FAM149A: variants seen among roughly 807,000 people sequenced by gnomAD.
The protein encoded by FAM149A is protein FAM149A.
FAM149A carries 71 observed loss-of-function variants against 78.2 expected under a neutral mutation model. That is an observed-to-expected ratio of 0.91 (90% CI 0.75 to 1.11). The LOEUF is 1.11. FAM149A is among the 50% of genes least tolerant of loss of function. The pLI is 0.00. For missense variants in FAM149A, 1,036 were observed against 971.0 expected (o/e 1.07, Z -0.89); for synonymous variants, 446 against 410.5 (o/e 1.09, Z -1.04).
At chr4:186,117,529 G>A (rs1325059861) in intron 1 of FAM149A, 3 of 985,388 alleles carry the variant, frequency 3.0e-6, no homozygotes, top group Non-Finnish European at 3.6e-6. Flanking sequence ...TCCAAAAGTG[G>A]GGCACATGGA....
chr4:186,160,347 C>G (rs1561413706), intron 8 of FAM149A, among the ~76,000 whole-genome samples: 3 of 143,452 alleles, frequency 2.1e-5, no homozygotes, highest in Admixed American at 2.1e-4. Flanking sequence ...CACAAACACA[C>G]CACACACACA....
intron 1 of FAM149A, among the ~76,000 whole-genome samples, chr4:186,136,976 T>TCTCTCTCTCTCTTTCTCTCTC (rs2099323291): frequency 1.2e-4 from 9 of 72,104 alleles, no homozygotes; most frequent in South Asian, 5.8e-4. Flanking sequence ...CTCTCTCTCT[T>TCTCTCTCTCTCTTTCTCTCTC]TCTCTCTCTC....
rs1733544585 is a variant in FAM149A at position 186,151,136 on chromosome 4, A to G, written c.790-767A>G. The G allele has an allele frequency of 5.0e-6, 4 of 794,648 alleles. No homozygotes were observed. The South Asian group carries it at 2.3e-4, about 45-fold the overall frequency. 49.2% of individuals were successfully genotyped at this position (794,648 alleles called of 1,614,324 possible). On this transcript the variant is annotated intron_variant, in intron 3 of 13. Coordinates refer to ENST00000389354, the MANE Select transcript of FAM149A (RefSeq NM_001367768.3). The stretch of plus-strand genomic sequence containing the variant: ...CACCGAGGGGGTCTGAAAGGGACTC[A>G]GCTCAGCACTGCTAGGAGGACCTTT...
chr4:186,109,954 A>C (rs2099310513), intron 1 of FAM149A: 1 of 985,316 alleles, frequency 1.0e-6, no homozygotes, highest in Admixed American at 6.1e-5. Flanking sequence ...AAGGAAATGC[A>C]TTTACCACTC....
rs1295085959 is a variant in FAM149A at position 186,157,928 on chromosome 4, G to A, written c.1575+209G>A. 2.0e-6 allele frequency: 3 copies of A among 1,530,576 alleles called. No homozygotes were observed. In the African/African-American group the frequency reaches 4.1e-5, roughly 21 times the overall value. 94.8% of individuals were successfully genotyped at this position (1,530,576 alleles called of 1,614,324 possible). A position where few individuals can be genotyped will look rare whatever the true frequency, so the allele number is the denominator to read the frequency against. ...GAGACCTGGACGTCCTGCCTATGAA[G>A]GACGAGGATGTGCTCAAGTTCCTTG... is the stretch of plus-strand genomic sequence containing the variant. On this transcript the variant is annotated intron_variant, in intron 8 of 13. Transcript: ENST00000389354.
At position 186,154,640 on chromosome 4, in the gene FAM149A, T is replaced by C; in HGVS notation, c.1229+2T>C. The C allele has an allele frequency of 1.2e-6, 2 of 1,611,040 alleles. No homozygotes were observed. The highest frequency in any genetic ancestry group is 2.2e-5 in the South Asian group (2 of 90,668). ...TTTCGCTTTTGACAGAAAAGAGGAG[T>C]AAATAGAATCTTATTTGACATTGAC... On this transcript the variant is annotated splice_donor_variant, in intron 6 of 13. Coordinates refer to ENST00000389354, the MANE Select transcript of FAM149A (RefSeq NM_001367768.3). LOFTEE classifies it high-confidence loss of function.
At chr4:186,133,036 T>C (rs1251369204) in intron 1 of FAM149A, 36 of 985,256 alleles carry the variant, frequency 3.7e-5, no homozygotes, top group Non-Finnish European at 3.7e-5. Context: ...TCAGCACTGC[T>C]TAGGAATGTG....
intron 1 of FAM149A, chr4:186,132,918 A>T: frequency 1.0e-6 from 1 of 961,854 alleles, no homozygotes; most frequent in Non-Finnish European, 1.2e-6. Context: ...ATTCATGTTC[A>T]TGTTAAGCCC....
At chr4:186,119,883 C>G (rs1726350582) in intron 1 of FAM149A, among the ~76,000 whole-genome samples, 1 of 152,146 alleles carries the variant, frequency 6.6e-6, no homozygotes, top group Admixed American at 6.5e-5. Context: ...AACTAAGAGC[C>G]TACATCAAAT....
In FAM149A at chr4:186,166,179, T is replaced by C. The variant is rs114478136; in HGVS notation, c.2010+715T>C. The stretch of plus-strand genomic sequence containing the variant: ...ACACAAGTAACTTGTCTCTATTCAT[T>C]TTATACAACACAGAAGGACCCCTGT... On this transcript the variant is annotated intron_variant, in intron 11 of 13. Transcript: ENST00000389354. Among the ~76,000 whole-genome samples the C allele has an allele frequency of 1.0e-3, 153 of 152,268 alleles. 2 individuals carry two copies. Among genetic ancestry groups the C allele is most frequent in the African/African-American group, 3.6e-3 (151 of 41,540 alleles).
At chr4:186,123,816 TC>T in intron 1 of FAM149A, 1 of 983,684 alleles carries the variant, frequency 1.0e-6, no homozygotes, top group Non-Finnish European at 1.2e-6. Context: ...CCCAGACCCT[TC>T]ACGGTCCTTG....
intron 1 of FAM149A, among the ~76,000 whole-genome samples, chr4:186,106,818 G>A (rs1420173432): frequency 6.6e-6 from 1 of 152,034 alleles, no homozygotes; most frequent in Admixed American, 6.6e-5. Context: ...GTGGTGGTAC[G>A]TGCCTGTAGT....
chr4:186,136,968 C>CTCTCTCTCTCTCTCTCTCTCTCTT (rs1561396359), intron 1 of FAM149A, among the ~76,000 whole-genome samples: 1 of 78,594 alleles, frequency 1.3e-5, no homozygotes, highest in East Asian at 5.7e-4. Flanking sequence ...CTCTCTTTCT[C>CTCTCTCTCTCTCTCTCTCTCTCTT]TCTCTCTTTC....
chr4:186,150,971 G>T, intron 3 of FAM149A: 6 of 929,844 alleles, frequency 6.5e-6, no homozygotes, highest in Non-Finnish European at 7.7e-6. Context: ...CCGCCTGCCT[G>T]GGCCTCCCAT....
rs898715023 is a variant in FAM149A at position 186,144,139 on chromosome 4, C to G, written c.567-5034C>G. On this transcript the variant is annotated intron_variant, in intron 1 of 13. Coordinates refer to ENST00000389354, the MANE Select transcript of FAM149A (RefSeq NM_001367768.3). The surrounding 1 kb of genome is among the most constrained non-coding windows in gnomAD (Gnocchi z 4.2). ...CTCTGAGACTCAAAAATGTAGTTCACCTCCGCGACCTCACCCCTTCTTCCC... is the reference window on the plus strand; with the variant it reads ...CTCTGAGACTCAAAAATGTAGTTCAGCTCCGCGACCTCACCCCTTCTTCCC... 1.3e-5 allele frequency: 2 copies of G among 152,254 alleles called. No homozygotes were observed. Among genetic ancestry groups the G allele is most frequent in the East Asian group, 1.9e-4 (1 of 5,184 alleles). 9.4% of individuals were successfully genotyped at this position (152,254 alleles called of 1,614,324 possible).
chr4:186,158,631 A>G lies in FAM149A; in HGVS notation c.1575+912A>G, dbSNP rs547319317. On this transcript the variant is annotated intron_variant, in intron 8 of 13. Transcript: ENST00000389354. ...CCGAGGCTGCAGACCCAGCCCCTGCACACACTGCCGCCCAGGTTGAGGGTG... is the reference window on the plus strand; with the variant it reads ...CCGAGGCTGCAGACCCAGCCCCTGCGCACACTGCCGCCCAGGTTGAGGGTG... 3.6e-3 allele frequency: 1,055 copies of G among 289,970 alleles called. 3 individuals carry two copies. The highest frequency in any genetic ancestry group is 0.018 in the South Asian group (156 of 8,606). 18.0% of individuals were successfully genotyped at this position (289,970 alleles called of 1,614,324 possible).
rs549202867 is a variant in FAM149A at position 186,106,929 on chromosome 4, G to A, written c.566+1287G>A. ...CGCACCATTGCGCTCCAACCTGGGCGACAGAGAGAGAGACTCCGTCTCAAA... is the reference window on the plus strand; with the variant it reads ...CGCACCATTGCGCTCCAACCTGGGCAACAGAGAGAGAGACTCCGTCTCAAA... On this transcript the variant is annotated intron_variant, in intron 1 of 13. Transcript: ENST00000389354. Among the ~76,000 whole-genome samples the A allele has an allele frequency of 2.6e-4, 39 of 152,230 alleles. No homozygotes were observed. The South Asian group carries it at 7.7e-3, about 30-fold the overall frequency.
At chr4:186,120,449 A>G (rs1715050) in intron 1 of FAM149A, among the ~76,000 whole-genome samples, 150,225 of 152,162 alleles carry the variant, frequency 0.99, 74,187 homozygotes, top group East Asian at 1. Context: ...TATTTCCACC[A>G]GAACAAAATA....
At chr4:186,143,547 G>C (rs1405399779) in intron 1 of FAM149A, among the ~76,000 whole-genome samples, 1 of 151,984 alleles carries the variant, frequency 6.6e-6, no homozygotes, top group Non-Finnish European at 1.5e-5. Flanking sequence ...TTACTGTTTT[G>C]TTTGTGTTTG....
Sources: allele counts gnomAD v4.1 joint callset (sites outside exome capture counted in the v4.1 genomes callset), GRCh38; gene constraint gnomAD v4.1.1; non-coding constraint Gnocchi (gnomAD v3.1); transcripts MANE v1.5; gene names NCBI Gene and HGNC (gene_info 2026-07-23, HGNC 2026-07-21).